NEDD9: variants seen among roughly 807,000 people sequenced by gnomAD.
NEDD9 encodes the protein enhancer of filamentation 1.
NEDD9 carries 26 observed loss-of-function variants against 76.6 expected under a neutral mutation model. That is an observed-to-expected ratio of 0.34 (90% CI 0.25 to 0.47). NEDD9 has a LOEUF of 0.47. Among genes scored for constraint, NEDD9 ranks in the 20% least tolerant of loss-of-function variants. The pLI is 1.00. For missense variants in NEDD9, 937 were observed against 1,058.5 expected (o/e 0.89, Z 1.59); for synonymous variants, 392 against 414.2 (o/e 0.95, Z 0.65).
chr6:11,340,620 T>G lies in NEDD9; in HGVS notation c.-213-6059A>C, dbSNP rs190064692. Among the ~76,000 whole-genome samples, 653 of 152,322 alleles carry G rather than the reference T, an allele frequency of 4.3e-3. 2 individuals carry two copies. The highest frequency in any genetic ancestry group is 0.015 in the African/African-American group (620 of 41,574). The stretch of plus-strand genomic sequence containing the variant: ...CTTCAGATGATGTGATCTTCCACAC[T>G]AAGGTACCTGTCTCCTCGTGAGCCC... On this transcript the variant is annotated intron_variant, in intron 1 of 3. Transcript: ENST00000397378.
chr6:11,321,139 G>A (rs1455153601), intron 2 of NEDD9, among the ~76,000 whole-genome samples: 1 of 141,180 alleles, frequency 7.1e-6, no homozygotes, highest in Non-Finnish European at 1.5e-5. Context: ...GAAGGAAGAA[G>A]GGAGGGACAG....
In NEDD9 at chr6:11,250,940, T is replaced by C. The variant is rs913027104; in HGVS notation, c.13-37213A>G. The stretch of plus-strand genomic sequence containing the variant: ...ATGAACTTTGAGCCAATGTTCCATA[T>C]TTTAATTTCTCTAGGTACTGGGCCT... On this transcript the variant is annotated intron_variant, in intron 3 of 3. Transcript: ENST00000397378. Among the ~76,000 whole-genome samples, 7 of 152,362 alleles carry C rather than the reference T, an allele frequency of 4.6e-5. 1 individual carries two copies. The highest frequency in any genetic ancestry group is 1.4e-4 in the African/African-American group (6 of 41,584).
chr6:11,294,717 ACAACACTTATTAGTGTTTTT>A (rs533681622), intron 3 of NEDD9, among the ~76,000 whole-genome samples: 168 of 152,288 alleles, frequency 1.1e-3, no homozygotes, highest in African/African-American at 3.8e-3. Flanking sequence ...CCATATCCTC[ACAACACTTATTAGTGTTTTT>A]GATGATAGCC....
rs1762974418 is a variant in NEDD9, at chr6:11,376,810, C to A, written c.-214+5329G>T. On this transcript the variant is annotated intron_variant, in intron 1 of 3. Coordinates refer to the NEDD9 transcript ENST00000397378. ...CAATATCCAAGACAAGGCAAAAACC[C>A]TCCAAAGGCATTTCAAAAATCTTGA... 2.0e-5 allele frequency among the ~76,000 whole-genome samples: 3 copies of A among 152,218 alleles called. No homozygotes were observed. The South Asian group carries it at 6.2e-4, about 32-fold the overall frequency.
intron 3 of NEDD9, among the ~76,000 whole-genome samples, chr6:11,300,811 G>C (rs1330887903): frequency 6.6e-6 from 1 of 152,146 alleles, no homozygotes; most frequent in African/African-American, 2.4e-5. Context: ...ACAAGCAAAT[G>C]CTGAGAGATT....
chr6:11,277,988 C>T (rs1372508409), intron 3 of NEDD9, among the ~76,000 whole-genome samples: 73 of 152,342 alleles, frequency 4.8e-4, no homozygotes, highest in Non-Finnish European at 1.3e-4. Context: ...TGGCTTCTCA[C>T]TGGATCCAGC....
chr6:11,186,436 A>G (rs1561777005), intron 6 of NEDD9, among the ~76,000 whole-genome samples: 1 of 152,138 alleles, frequency 6.6e-6, no homozygotes, highest in Non-Finnish European at 1.5e-5. Flanking sequence ...AATTGCAATT[A>G]TAATAATTTC....
intron 1 of NEDD9, among the ~76,000 whole-genome samples, chr6:11,344,268 A>G (rs1052512381): frequency 1.3e-5 from 2 of 152,238 alleles, no homozygotes; most frequent in South Asian, 4.1e-4. Context: ...CTCACATAAC[A>G]TCAAATTCCA....
At chr6:11,378,857 C>T (rs1040336985) in intron 1 of NEDD9, among the ~76,000 whole-genome samples, 2 of 152,180 alleles carry the variant, frequency 1.3e-5, no homozygotes, top group Admixed American at 6.5e-5. Context: ...GAAATACCTC[C>T]ACCCGTCCCC....
intron 2 of NEDD9, among the ~76,000 whole-genome samples, chr6:11,332,639 T>A (rs1762067147): frequency 6.6e-6 from 1 of 152,172 alleles, no homozygotes; most frequent in African/African-American, 2.4e-5. Context: ...ACAGCACACG[T>A]CGTGTTCTAT....
intron 1 of NEDD9, among the ~76,000 whole-genome samples, chr6:11,337,484 T>G (rs1762186229): frequency 6.6e-6 from 1 of 152,190 alleles, no homozygotes; most frequent in Non-Finnish European, 1.5e-5. Context: ...CAATGCATTA[T>G]TATGTGATGT....
In NEDD9 at chr6:11,319,887, CACACA is replaced by C. The variant is rs1381699643; in HGVS notation, c.-152-13737_-152-13733del. On this transcript the variant is annotated intron_variant, in intron 2 of 3. Coordinates refer to the NEDD9 transcript ENST00000397378. ...TCATACACACTAACATGCACACATG[CACACA>C]AAGTCTGTCTCCAACTGTGAATTTG... 5.9e-5 allele frequency among the ~76,000 whole-genome samples: 9 copies of C among 151,738 alleles called. No individual in the cohort carries two copies. The East Asian group carries it at 1.7e-3, about 29-fold the overall frequency.
chr6:11,333,991 A>G (rs892625822), intron 2 of NEDD9, among the ~76,000 whole-genome samples: 1 of 152,192 alleles, frequency 6.6e-6, no homozygotes, highest in Non-Finnish European at 1.5e-5. Flanking sequence ...GGGGTTGCTC[A>G]GTTTTTTTCC....
At chr6:11,267,993 G>A (rs567191466) in intron 3 of NEDD9, among the ~76,000 whole-genome samples, 1 of 152,132 alleles carries the variant, frequency 6.6e-6, no homozygotes, top group Non-Finnish European at 1.5e-5. Context: ...CTCTGAAACT[G>A]GATGTCAGTG....
intron 6 of NEDD9, 41 bp from the exon 7 acceptor site, chr6:11,185,712 G>A: frequency 1.2e-6 from 2 of 1,604,828 alleles, no homozygotes; most frequent in Non-Finnish European, 1.7e-6. Context: ...GAGCAAGGGA[G>A]TGTGTTGCAA....
intron 3 of NEDD9, among the ~76,000 whole-genome samples, chr6:11,289,952 T>C (rs1278244987): frequency 6.6e-6 from 1 of 152,118 alleles, no homozygotes; most frequent in African/African-American, 2.4e-5. Flanking sequence ...AAAAATCCTA[T>C]AGATATATAA....
chr6:11,355,906 A>G (rs1762562249), intron 1 of NEDD9, among the ~76,000 whole-genome samples: 1 of 151,790 alleles, frequency 6.6e-6, no homozygotes, highest in Non-Finnish European at 1.5e-5. Context: ...ATTTTTTAGT[A>G]GAGACGGGGT....
chr6:11,209,005 T>G (rs1213596091), intron 2 of NEDD9, among the ~76,000 whole-genome samples: 4 of 152,252 alleles, frequency 2.6e-5, no homozygotes, highest in Non-Finnish European at 5.9e-5. Context: ...GTAACTTATT[T>G]AATTTAGGAT....
At chr6:11,289,756 A>C (rs1760727048) in intron 3 of NEDD9, among the ~76,000 whole-genome samples, 1 of 151,974 alleles carries the variant, frequency 6.6e-6, no homozygotes, top group Non-Finnish European at 1.5e-5. Flanking sequence ...TGGCCAGCAG[A>C]TATTATTTGT....
Sources: gnomAD v4.1 joint callset for allele counts (sites outside exome capture counted in the v4.1 genomes callset) on GRCh38, gnomAD v4.1.1 for gene constraint, MANE v1.5 for transcripts, NCBI Gene and HGNC (gene_info 2026-07-23, HGNC 2026-07-21) for gene names.